The following PAX5 variants were observed in gnomAD, a reference collection of about 807,000 sequenced individuals.
The protein encoded by PAX5 is paired box 5, also known as paired box protein Pax-5.
A neutral mutation model predicts 43.7 loss-of-function variants in PAX5; 9 were observed. The observed-to-expected ratio is 0.21, with a 90% confidence interval of 0.12 to 0.36. The LOEUF is 0.36. PAX5 is among the 10% of genes least tolerant of loss of function. The probability of loss-of-function intolerance (pLI) is 1.00; values close to 1 mark genes in which losing one functional copy is unlikely to be tolerated. For synonymous variants in PAX5, 228 were observed against 214.3 expected, an observed-to-expected ratio of 1.06 and a Z score of -0.56; for missense variants, 383 against 532.7, an observed-to-expected ratio of 0.72 and a Z score of 2.77.
intron 7 of PAX5, among the ~76,000 whole-genome samples, chr9:36,889,855 A>T (rs1827219937): frequency 7.1e-6 from 1 of 141,148 alleles, no homozygotes; most frequent in Non-Finnish European, 1.5e-5. Flanking sequence ...ACCAGGCCTG[A>T]TTGATCAGTT....
At chr9:36,941,352 C>A (rs899471919) in intron 6 of PAX5, among the ~76,000 whole-genome samples, 1 of 152,184 alleles carries the variant, frequency 6.6e-6, no homozygotes, top group Non-Finnish European at 1.5e-5. Context: ...TTTTTACTAC[C>A]GCTATTATTC....
At chr9:36,952,867 C>G (rs781700705) in intron 6 of PAX5, among the ~76,000 whole-genome samples, 6 of 152,140 alleles carry the variant, frequency 3.9e-5, no homozygotes, top group Non-Finnish European at 7.4e-5. Flanking sequence ...CAAACAGTTA[C>G]CTTTTAGATC....
intron 5 of PAX5, among the ~76,000 whole-genome samples, chr9:36,977,505 GTTTGTT>G (rs1017838708): frequency 1.3e-5 from 2 of 151,722 alleles, no homozygotes; most frequent in African/African-American, 4.9e-5. Flanking sequence ...GTCTTTTTTT[GTTTGTT>G]TTTTTTGGGG....
At chr9:36,905,391 G>C (rs1170120267) in intron 7 of PAX5, among the ~76,000 whole-genome samples, 1 of 152,224 alleles carries the variant, frequency 6.6e-6, no homozygotes, top group East Asian at 1.9e-4. Context: ...TGGGCAGACG[G>C]CAAAACTGAG....
chr9:36,925,218 C>T (rs546571258), intron 6 of PAX5, among the ~76,000 whole-genome samples: 1 of 152,268 alleles, frequency 6.6e-6, no homozygotes, highest in Admixed American at 6.5e-5. Context: ...GGAGGTGCTG[C>T]AGGCCCAGGC....
chr9:36,878,874 A>G (rs1419511684), intron 8 of PAX5, among the ~76,000 whole-genome samples: 1 of 152,244 alleles, frequency 6.6e-6, no homozygotes, highest in Non-Finnish European at 1.5e-5. Context: ...CCCAGCCCTG[A>G]CGCCAGGCAT....
rs1554761991 is a variant in PAX5, at chr9:36,838,693, C to A, written c.*1867G>T. ...ATATTATTGGGCCTCAGGTGCCCAC[C>A]CCCATCTGCTTGCTTGGAAGTGGAG... On this transcript the variant is annotated 3_prime_UTR_variant, in exon 10 of 10. Coordinates refer to ENST00000358127, the MANE Select transcript of PAX5 (RefSeq NM_016734.3). 5 of 233,210 alleles carry A rather than the reference C, an allele frequency of 2.1e-5. No individual in the cohort carries two copies. In the South Asian group the frequency reaches 7.2e-4, roughly 34 times the overall value. 14.4% of individuals were successfully genotyped at this position (233,210 alleles called of 1,614,324 possible).
intron 6 of PAX5, among the ~76,000 whole-genome samples, chr9:36,937,335 C>A (rs949085016): frequency 1.3e-5 from 2 of 152,182 alleles, no homozygotes; most frequent in South Asian, 2.1e-4. Context: ...GTTCACCCCC[C>A]AGCAGTGCGA....
chr9:37,030,300 C>A (rs532200973), intron 1 of PAX5, among the ~76,000 whole-genome samples: 2 of 152,208 alleles, frequency 1.3e-5, no homozygotes. Context: ...AAAGGCGCGA[C>A]CGGACCTCAT....
chr9:36,932,345 C>T (rs4878669), intron 6 of PAX5, among the ~76,000 whole-genome samples: 142,302 of 152,326 alleles, frequency 0.93, 66,528 homozygotes, highest in East Asian at 1. Context: ...TGAAGTTTGT[C>T]GAAAAATAAA....
intron 9 of PAX5, among the ~76,000 whole-genome samples, chr9:36,845,830 C>T (rs1822516945): frequency 2.0e-5 from 3 of 152,178 alleles, no homozygotes; most frequent in African/African-American, 7.2e-5. Flanking sequence ...TCTGATGAAG[C>T]CTGTTTCTCA....
At chr9:36,999,522 G>T (rs149196339) in intron 5 of PAX5, among the ~76,000 whole-genome samples, 13 of 152,266 alleles carry the variant, frequency 8.5e-5, no homozygotes, top group Admixed American at 8.5e-4. Flanking sequence ...TGCCCTCAGA[G>T]CAAAACTCAA....
In PAX5 at chr9:36,839,152, C is replaced by T; in HGVS notation, c.*1408G>A. On this transcript the variant is annotated 3_prime_UTR_variant, in exon 10 of 10. Coordinates refer to ENST00000358127, the MANE Select transcript of PAX5 (RefSeq NM_016734.3). Reference sequence around the variant, plus strand: ...CCATGTCAAAATCACTCCCAGGTCACACAGCAGCTCCTCACTGCTCTCCTG... The same window carrying T: ...CCATGTCAAAATCACTCCCAGGTCATACAGCAGCTCCTCACTGCTCTCCTG... The T allele has an allele frequency of 4.3e-6, 1 of 233,732 alleles. No homozygotes were observed. The allele number at this position is 233,732 out of a possible 1,614,324, so 14.5% of individuals were successfully genotyped here. A position where few individuals can be genotyped will look rare whatever the true frequency, so the allele number is the denominator to read the frequency against.
intron 3 of PAX5, among the ~76,000 whole-genome samples, chr9:37,010,760 T>G (rs529558244): frequency 6.6e-6 from 1 of 152,258 alleles, no homozygotes; most frequent in South Asian, 2.1e-4. Flanking sequence ...AGTAAGAAGC[T>G]TGGGCCATCA....
intron 2 of PAX5, among the ~76,000 whole-genome samples, chr9:37,018,630 A>G (rs1202211313): frequency 6.7e-6 from 1 of 149,512 alleles, no homozygotes; most frequent in African/African-American, 2.4e-5. Flanking sequence ...TCCCAGTTAC[A>G]CTGTTTTAGG....
chr9:36,873,163 T>C (rs1351638388), intron 8 of PAX5, among the ~76,000 whole-genome samples: 1 of 152,226 alleles, frequency 6.6e-6, no homozygotes, highest in Non-Finnish European at 1.5e-5. Flanking sequence ...CTCAGCAGAC[T>C]CAGTGGTCCC....
At position 36,836,873 on chromosome 9, in the gene PAX5, C is replaced by A. The variant is rs139432662; in HGVS notation, c.*3687G>T. On this transcript the variant is annotated 3_prime_UTR_variant, in exon 10 of 10. Coordinates refer to ENST00000358127, the MANE Select transcript of PAX5 (RefSeq NM_016734.3). Reference sequence around the variant, plus strand: ...GTCCAGGCCTGGTCAGGGATTATGGCATGGCCTTGAATTGACTCTGATACC... The same window carrying A: ...GTCCAGGCCTGGTCAGGGATTATGGAATGGCCTTGAATTGACTCTGATACC... 966 of 232,432 alleles carry A rather than the reference C, an allele frequency of 4.2e-3. 6 individuals are homozygous for A. The highest frequency in any genetic ancestry group is 9.0e-3 in the East Asian group (148 of 16,484). The allele number at this position is 232,432 out of a possible 1,614,324, so 14.4% of individuals were successfully genotyped here. A position where few individuals can be genotyped will look rare whatever the true frequency, so the allele number is the denominator to read the frequency against.
At chr9:36,929,251 AAGGAAGGAAGGAAGGAAGG>A (rs764868711) in intron 6 of PAX5, among the ~76,000 whole-genome samples, 11,036 of 35,902 alleles carry the variant, frequency 0.31, 518 homozygotes, top group East Asian at 0.49. Context: ...GGAAGGAAGG[AAGGAAGGAAGGAAGGAAGG>A]AAGGAAGGAA....
rs1237326457 is a variant in PAX5 at position 36,834,852 on chromosome 9, G to C, written c.*5708C>G. The C allele has an allele frequency of 6.7e-6, 1 of 148,856 alleles. No individual in the cohort carries two copies. The highest frequency in any genetic ancestry group is 2.6e-5 in the African/African-American group (1 of 39,208). 9.2% of individuals were successfully genotyped at this position (148,856 alleles called of 1,614,324 possible). ...ATAGCCACAGGGTCACAGGGTGGGG[G>C]GCGGGGGTCAGGGCAGGTGAGGCTG... is the stretch of plus-strand genomic sequence containing the variant. On this transcript the variant is annotated 3_prime_UTR_variant, in exon 10 of 10. Transcript: ENST00000358127.
Sources: gnomAD v4.1 joint callset for allele counts (sites outside exome capture counted in the v4.1 genomes callset) on GRCh38, gnomAD v4.1.1 for gene constraint, MANE v1.5 for transcripts, NCBI Gene and HGNC (gene_info 2026-07-23, HGNC 2026-07-21) for gene names.